Variants in GADL1 observed in about 807,000 individuals in gnomAD.
GADL1 encodes acidic amino acid decarboxylase GADL1.
GADL1 carries 71 observed loss-of-function variants against 69.5 expected under a neutral mutation model. That is an observed-to-expected ratio of 1.02 (90% CI 0.84 to 1.25). The LOEUF (loss-of-function observed/expected upper bound fraction) is 1.25, where lower values mean the gene tolerates loss of function less well. Among genes scored for constraint, GADL1 ranks in the 50% most tolerant of loss-of-function variants. GADL1 has a pLI of 0.00. For missense variants in GADL1, 737 were observed against 631.8 expected (o/e 1.17, Z -1.79); for synonymous variants, 254 against 214.4 (o/e 1.18, Z -1.62).
chr3:30,758,714 CCATT>C (rs1483615738), intron 14 of GADL1, among the ~76,000 whole-genome samples: 8 of 152,202 alleles, frequency 5.3e-5, no homozygotes, highest in African/African-American at 1.4e-4. Flanking sequence ...CATGGTGACT[CCATT>C]CAAGAGGACT....
chr3:30,891,987 A>G (rs148387141), intron 1 of GADL1, among the ~76,000 whole-genome samples: 110 of 152,338 alleles, frequency 7.2e-4, no homozygotes, highest in African/African-American at 2.5e-3. Context: ...CATGAAAACT[A>G]GAGTTTTACT....
In GADL1 at chr3:30,859,780, T is replaced by A. The variant is rs527560513; in HGVS notation, c.210+1813A>T. 3.9e-5 allele frequency among the ~76,000 whole-genome samples: 6 copies of A among 152,028 alleles called. No homozygotes were observed. The South Asian group carries it at 1.0e-3, about 26-fold the overall frequency. ...TACCTTTTAATGGTGCTCTGTTGGA[T>A]CTCAAACAAGGTAGGCTAAGTTAGT... On this transcript the variant is annotated intron_variant, in intron 2 of 14. Coordinates refer to ENST00000282538, the MANE Select transcript of GADL1 (RefSeq NM_207359.3).
chr3:30,739,460 T>G (rs58130852), intron 14 of GADL1, among the ~76,000 whole-genome samples: 13,383 of 152,238 alleles, frequency 0.088, 1,601 homozygotes, highest in African/African-American at 0.27. Flanking sequence ...AGGAGTAAAC[T>G]GAAGTCTAAG....
chr3:30,789,406 T>C lies in GADL1; in HGVS notation c.1251-3000A>G, dbSNP rs556900743. ...TGTGCTGTCACAGGCTTTGTTCCAC[T>C]TAGAGTACAGGCAGAGTAAGTTTAG... On this transcript the variant is annotated intron_variant, in intron 12 of 14. Coordinates refer to ENST00000282538, the MANE Select transcript of GADL1 (RefSeq NM_207359.3). 3.3e-5 allele frequency among the ~76,000 whole-genome samples: 5 copies of C among 152,314 alleles called. 1 individual carries two copies. In the South Asian group the frequency reaches 1.0e-3, roughly 32 times the overall value.
intron 1 of GADL1, among the ~76,000 whole-genome samples, chr3:30,878,537 G>C (rs1023427315): frequency 2.0e-5 from 3 of 151,920 alleles, no homozygotes; most frequent in Non-Finnish European, 4.4e-5. Flanking sequence ...TAATATGACT[G>C]ATAGACATTT....
intron 6 of GADL1, among the ~76,000 whole-genome samples, chr3:30,844,763 C>T (rs755753987): frequency 6.6e-6 from 1 of 152,088 alleles, no homozygotes; most frequent in Non-Finnish European, 1.5e-5. Flanking sequence ...GCCAATAATG[C>T]CTACTCCATC....
intron 6 of GADL1, among the ~76,000 whole-genome samples, chr3:30,848,569 G>A (rs916134980): frequency 9.4e-5 from 14 of 148,582 alleles, no homozygotes; most frequent in African/African-American, 3.0e-4. Flanking sequence ...CAGAAGGTAA[G>A]AAGCTAAACT....
At chr3:30,878,095 TGA>T (rs576164963) in intron 1 of GADL1, among the ~76,000 whole-genome samples, 6 of 151,882 alleles carry the variant, frequency 4.0e-5, no homozygotes, top group Non-Finnish European at 8.8e-5. Flanking sequence ...GAGTTTGGGG[TGA>T]GAGTTTTAGC....
intron 14 of GADL1, among the ~76,000 whole-genome samples, chr3:30,729,068 G>A (rs1695414276): frequency 6.6e-6 from 1 of 152,134 alleles, no homozygotes. Context: ...ATTAAGAGAT[G>A]TAAATGTGGT....
At chr3:30,773,699 GAATA>G (rs530202535) in intron 14 of GADL1, among the ~76,000 whole-genome samples, 1 of 152,012 alleles carries the variant, frequency 6.6e-6, no homozygotes, top group Non-Finnish European at 1.5e-5. Context: ...CTTTATAGTT[GAATA>G]GTTTCTTCTG....
chr3:30,818,923 C>T (rs1697522588), intron 11 of GADL1, among the ~76,000 whole-genome samples: 1 of 152,082 alleles, frequency 6.6e-6, no homozygotes, highest in South Asian at 2.1e-4. Context: ...TTGCTTCATG[C>T]CCCTATTTCC....
In GADL1 at chr3:30,772,943, A is replaced by G. The variant is rs554769751; in HGVS notation, c.1392+5236T>C. Among the ~76,000 whole-genome samples the G allele has an allele frequency of 5.9e-5, 9 of 152,250 alleles. 1 individual carries two copies. In the South Asian group the frequency reaches 1.7e-3, roughly 28 times the overall value. Reference sequence around the variant, plus strand: ...GCTTTCAGGGAAACCTAGGAAGCCTATTGAAGATCACTAGGAACCACCACT... The same window carrying G: ...GCTTTCAGGGAAACCTAGGAAGCCTGTTGAAGATCACTAGGAACCACCACT... On this transcript the variant is annotated intron_variant, in intron 14 of 14. Transcript: ENST00000282538.
intron 14 of GADL1, among the ~76,000 whole-genome samples, chr3:30,765,905 C>T (rs910507176): frequency 6.6e-6 from 1 of 152,014 alleles, no homozygotes; most frequent in African/African-American, 2.4e-5. Flanking sequence ...TCTTTCCCAA[C>T]TCCCCTCCCA....
chr3:30,841,499 T>G (rs1367692434), intron 8 of GADL1, among the ~76,000 whole-genome samples: 1 of 152,064 alleles, frequency 6.6e-6, no homozygotes, highest in Non-Finnish European at 1.5e-5. Flanking sequence ...GGATTATCTT[T>G]AGGGGATGCT....
chr3:30,737,684 T>A (rs1331806357), intron 14 of GADL1, among the ~76,000 whole-genome samples: 3 of 152,146 alleles, frequency 2.0e-5, no homozygotes, highest in Admixed American at 6.6e-5. Flanking sequence ...ATCATGTGCA[T>A]CCAAGAGATC....
chr3:30,858,417 T>C (rs955755925), intron 2 of GADL1, among the ~76,000 whole-genome samples: 6 of 151,916 alleles, frequency 3.9e-5, no homozygotes, highest in African/African-American at 1.4e-4. Context: ...AAATAAGAGG[T>C]TGCTGTAATA....
chr3:30,868,851 CAATG>C (rs1191063688), intron 1 of GADL1, among the ~76,000 whole-genome samples: 1 of 151,754 alleles, frequency 6.6e-6, no homozygotes, highest in East Asian at 1.9e-4. Flanking sequence ...AAATGAGAAA[CAATG>C]AATCAAAAGT....
intron 14 of GADL1, among the ~76,000 whole-genome samples, chr3:30,758,641 C>A (rs1354959810): frequency 6.6e-6 from 1 of 152,144 alleles, no homozygotes. Context: ...ACGAATATAT[C>A]AACTTGGTGG....
At chr3:30,888,455 G>A (rs768958366) in intron 1 of GADL1, among the ~76,000 whole-genome samples, 2 of 152,288 alleles carry the variant, frequency 1.3e-5, no homozygotes, top group South Asian at 4.1e-4. Context: ...GAAGCTCATA[G>A]TGAAAGCCAA....
Sources: gnomAD v4.1 joint callset for allele counts (sites outside exome capture counted in the v4.1 genomes callset) on GRCh38, gnomAD v4.1.1 for gene constraint, MANE v1.5 for transcripts, NCBI Gene and HGNC (gene_info 2026-07-23, HGNC 2026-07-21) for gene names.